ZMYND8: variants seen among roughly 807,000 people sequenced by gnomAD.
ZMYND8 encodes MYND-type zinc finger-containing chromatin reader ZMYND8.
ZMYND8 carries 37 observed loss-of-function variants against 140.8 expected under a neutral mutation model. The ratio of observed to expected loss-of-function variants is 0.26; its 90% confidence interval spans 0.20 to 0.35. The LOEUF is 0.35. Among genes scored for constraint, ZMYND8 ranks in the 10% least tolerant of loss-of-function variants. The probability of loss-of-function intolerance (pLI) is 1.00; values close to 1 mark genes in which losing one functional copy is unlikely to be tolerated. For synonymous variants in ZMYND8, 592 were observed against 597.1 expected (o/e 0.99, Z 0.12); for missense variants, 1,068 against 1,570.0 (o/e 0.68, Z 5.40).
At chr20:47,238,549 G>T in intron 15 of ZMYND8, 1 of 873,444 alleles carries the variant, frequency 1.1e-6, no homozygotes, top group South Asian at 1.6e-5. Context: ...TTTATAAAAT[G>T]AACAAAAAAA....
At chr20:47,275,816 C>T (rs954936073) in intron 11 of ZMYND8, among the ~76,000 whole-genome samples, 1 of 152,064 alleles carries the variant, frequency 6.6e-6, no homozygotes, top group Non-Finnish European at 1.5e-5. Flanking sequence ...GCCATGTTGC[C>T]CAGGTTGGTC....
chr20:47,282,828 G>A (rs1247040312), intron 9 of ZMYND8, among the ~76,000 whole-genome samples: 2 of 152,010 alleles, frequency 1.3e-5, no homozygotes, highest in Non-Finnish European at 2.9e-5. Flanking sequence ...ACCTTTCTGT[G>A]CAACATACAC....
intron 19 of ZMYND8, 118 bp downstream of exon 19, chr20:47,224,199 T>C (rs1331824995): frequency 2.0e-6 from 3 of 1,490,642 alleles, no homozygotes; most frequent in Non-Finnish European, 1.8e-6. Flanking sequence ...TGAGTGAAAG[T>C]GTCCAGAAGC....
chr20:47,232,118 C>T (rs2038574125), intron 16 of ZMYND8, among the ~76,000 whole-genome samples: 1 of 152,134 alleles, frequency 6.6e-6, no homozygotes, highest in South Asian at 2.1e-4. Flanking sequence ...CGCCTATAAT[C>T]CCAGCACTTT....
At chr20:47,270,695 C>A (rs2075865953) in intron 11 of ZMYND8, among the ~76,000 whole-genome samples, 2 of 64,666 alleles carry the variant, frequency 3.1e-5, no homozygotes, top group African/African-American at 1.9e-4. Flanking sequence ...GACCCTGTCT[C>A]TGAAAAAAAA....
chr20:47,288,636 G>A (rs1169069169), intron 7 of ZMYND8, among the ~76,000 whole-genome samples: 8 of 151,962 alleles, frequency 5.3e-5, no homozygotes, highest in South Asian at 2.1e-4. Context: ...GAAGTGATCC[G>A]CCCGCCTCAG....
chr20:47,282,611 G>A (rs1487358146), intron 9 of ZMYND8, among the ~76,000 whole-genome samples: 1 of 151,942 alleles, frequency 6.6e-6, no homozygotes, highest in African/African-American at 2.4e-5. Context: ...TGTAGTCCCA[G>A]TTACTCAAGA....
At chr20:47,313,381 G>A (rs2079096803) in intron 2 of ZMYND8, among the ~76,000 whole-genome samples, 1 of 152,138 alleles carries the variant, frequency 6.6e-6, no homozygotes, top group Non-Finnish European at 1.5e-5. Context: ...CCAGCACTTT[G>A]GGAGGCCAAG....
chr20:47,279,438 A>C (rs1054485216), intron 10 of ZMYND8, among the ~76,000 whole-genome samples: 38 of 151,856 alleles, frequency 2.5e-4, no homozygotes, highest in African/African-American at 8.5e-4. Flanking sequence ...ACCCCGCCTC[A>C]AATAAATAAA....
At position 47,272,764 on chromosome 20, in the gene ZMYND8, T is replaced by G. The variant is rs373297930; in HGVS notation, c.1480+3550A>C. On this transcript the variant is annotated intron_variant, in intron 11 of 22. Coordinates refer to ENST00000471951, the MANE Select transcript of ZMYND8 (RefSeq NM_001281775.3). The stretch of plus-strand genomic sequence containing the variant: ...AGATTTCTACACTGTTGTACAAGTT[T>G]TATGCAATAACATTTCAATCTGTAG... Among the ~76,000 whole-genome samples the G allele has an allele frequency of 3.9e-5, 6 of 152,238 alleles. No individual in the cohort carries two copies. In the South Asian group the frequency reaches 1.0e-3, roughly 26 times the overall value.
chr20:47,316,061 G>A (rs979592434), intron 2 of ZMYND8, among the ~76,000 whole-genome samples: 2 of 152,182 alleles, frequency 1.3e-5, no homozygotes, highest in Non-Finnish European at 2.9e-5. Context: ...GGCCGGGCAC[G>A]GTGGCTCACG....
chr20:47,356,675 A>G lies in ZMYND8; in HGVS notation c.-5T>C. 2 of 1,614,204 alleles carry G rather than the reference A, an allele frequency of 1.2e-6. No individual in the cohort carries two copies. The highest frequency in any genetic ancestry group is 1.7e-6 in the Non-Finnish European group (2 of 1,180,038). On this transcript the variant is annotated 5_prime_UTR_variant, in exon 1 of 23. Transcript: ENST00000471951. Reference sequence around the variant, plus strand: ...AGCTTACCTCTGTGGATGCATTGTTAACACTGTGTAATGTCAATACTTATA... The same window carrying G: ...AGCTTACCTCTGTGGATGCATTGTTGACACTGTGTAATGTCAATACTTATA...
intron 2 of ZMYND8, among the ~76,000 whole-genome samples, chr20:47,338,818 C>G (rs2148514316): frequency 6.6e-6 from 1 of 152,186 alleles, no homozygotes; most frequent in Non-Finnish European, 1.5e-5. Context: ...AAAATCCTTC[C>G]AAACACCTGC....
At chr20:47,220,058 G>T (rs537627442) in intron 21 of ZMYND8, among the ~76,000 whole-genome samples, 200 bp downstream of exon 21, 1 of 152,072 alleles carries the variant, frequency 6.6e-6, no homozygotes. Flanking sequence ...AGGTAATACC[G>T]ATCAGCTTGA....
At chr20:47,232,897 GTTTTTTTTGTT>G (rs1484835140) in intron 16 of ZMYND8, among the ~76,000 whole-genome samples, 6,091 of 70,122 alleles carry the variant, frequency 0.087, 392 homozygotes, top group African/African-American at 0.24. Context: ...GTTTTTTTTT[GTTTTTTTTGTT>G]TTTTTTTTTT....
At chr20:47,267,925 C>G in intron 11 of ZMYND8, among the ~76,000 whole-genome samples, 1 of 152,172 alleles carries the variant, frequency 6.6e-6, no homozygotes. Flanking sequence ...ATCACCTCCT[C>G]GAAGGCCTCC....
chr20:47,306,398 G>A (rs2078487336), intron 3 of ZMYND8, among the ~76,000 whole-genome samples: 1 of 151,860 alleles, frequency 6.6e-6, no homozygotes, highest in Non-Finnish European at 1.5e-5. Context: ...AGCCTGGGCA[G>A]CAGAGTGAGA....
chr20:47,259,159 G>T (rs1019773090), intron 12 of ZMYND8, among the ~76,000 whole-genome samples: 3 of 152,220 alleles, frequency 2.0e-5, no homozygotes, highest in Non-Finnish European at 4.4e-5. Context: ...GACTGGCAGA[G>T]AGGAAATGTC....
At chr20:47,227,840 G>A (rs919088642) in intron 17 of ZMYND8, among the ~76,000 whole-genome samples, 3 of 152,076 alleles carry the variant, frequency 2.0e-5, no homozygotes, top group African/African-American at 7.2e-5. Flanking sequence ...CGCCTGTAAT[G>A]CTAGCACTTT....
Sources: gnomAD v4.1 joint callset for allele counts (sites outside exome capture counted in the v4.1 genomes callset) on GRCh38, gnomAD v4.1.1 for gene constraint, MANE v1.5 for transcripts, NCBI Gene and HGNC (gene_info 2026-07-23, HGNC 2026-07-21) for gene names.